PRKAR1B: variants seen among roughly 807,000 people sequenced by gnomAD.
PRKAR1B encodes cAMP-dependent protein kinase type I-beta regulatory subunit.
In PRKAR1B, 22 loss-of-function variants were observed where a neutral mutation model predicts 46.5. That is an observed-to-expected ratio of 0.47 (90% CI 0.34 to 0.68). PRKAR1B has a LOEUF of 0.68. PRKAR1B is among the 30% of genes least tolerant of loss of function. PRKAR1B has a pLI of 0.01. For synonymous variants in PRKAR1B, 259 were observed against 217.7 expected (o/e 1.19, Z -1.67); for missense variants, 445 against 535.6 (o/e 0.83, Z 1.67).
At chr7:711,851 C>T (rs4076710) in intron 1 of PRKAR1B, among the ~76,000 whole-genome samples, 26,948 of 151,388 alleles carry the variant, frequency 0.18, 2,640 homozygotes, top group South Asian at 0.28. Context: ...TGGGGGGGCC[C>T]GGCGCCCTGA....
Position 666,945 on chromosome 7 carries a change from GTGA to G in PRKAR1B, c.440+10281_440+10283del, listed in dbSNP as rs1257682433. ...GATGGTGATGACAATGACCACAACAGTGATGATGATGGCGGTGATGATGATGAT... is the reference window on the plus strand; with the variant it reads ...GATGGTGATGACAATGACCACAACAGTGATGATGGCGGTGATGATGATGAT... On this transcript the variant is annotated intron_variant, in intron 4 of 10. Transcript: ENST00000537384. The surrounding 1 kb of genome is among the most constrained non-coding windows in gnomAD (Gnocchi z 4.9). Among the ~76,000 whole-genome samples, 1 of 152,228 alleles carries G rather than the reference GTGA, an allele frequency of 6.6e-6. No individual in the cohort carries two copies. Among genetic ancestry groups the G allele is most frequent in the Non-Finnish European group, 1.5e-5 (1 of 68,046 alleles).
At position 550,267 on chromosome 7, in the gene PRKAR1B, A is replaced by G. The variant is rs1421774382; in HGVS notation, c.*163T>C. The G allele has an allele frequency of 1.1e-5, 7 of 617,594 alleles. No homozygotes were observed. In the Admixed American group the frequency reaches 2.0e-4, roughly 18 times the overall value. The allele number at this position is 617,594 out of a possible 1,614,324, so 38.3% of individuals were successfully genotyped here. A position where few individuals can be genotyped will look rare whatever the true frequency, so the allele number is the denominator to read the frequency against. On this transcript the variant is annotated 3_prime_UTR_variant, in exon 11 of 11. Coordinates refer to ENST00000537384, the MANE Select transcript of PRKAR1B (RefSeq NM_001164760.2). ...TGATTTGGAAATGCACAAGGTGATCATTTATTCCAAAAAGTGAGTCCGGGG... is the reference window on the plus strand; with the variant it reads ...TGATTTGGAAATGCACAAGGTGATCGTTTATTCCAAAAAGTGAGTCCGGGG...
chr7:671,266 G>A (rs1391151032), intron 4 of PRKAR1B, among the ~76,000 whole-genome samples: 3 of 152,066 alleles, frequency 2.0e-5, no homozygotes, highest in African/African-American at 7.2e-5. Flanking sequence ...CTTTTGATAA[G>A]CTCTAAGCTC....
At chr7:707,730 G>A (rs533514468) in intron 2 of PRKAR1B, among the ~76,000 whole-genome samples, 2 of 152,292 alleles carry the variant, frequency 1.3e-5, no homozygotes, top group Admixed American at 6.5e-5. Flanking sequence ...AACACCATGT[G>A]AAGATGAAGG....
upstream of PRKAR1B, among the ~76,000 whole-genome samples, chr7:728,919 GT>G (rs1452793243): frequency 2.0e-5 from 3 of 151,814 alleles, no homozygotes; most frequent in Admixed American, 6.6e-5. Flanking sequence ...TGGAATAGCC[GT>G]TTCCCAGACG....
At chr7:677,581 C>T (rs1421503101) in intron 3 of PRKAR1B, among the ~76,000 whole-genome samples, 1 of 152,160 alleles carries the variant, frequency 6.6e-6, no homozygotes, top group Non-Finnish European at 1.5e-5. Flanking sequence ...TATGCACCAC[C>T]ACACTTGGCT....
rs143388363 is a variant in PRKAR1B, at chr7:724,152, C to G, written c.-23+3058G>C. Among the ~76,000 whole-genome samples the G allele has an allele frequency of 1.3e-3, 194 of 152,268 alleles. 1 individual carries two copies. The highest frequency in any genetic ancestry group is 4.5e-3 in the African/African-American group (185 of 41,536). ...TGGGGAGACGCCATTCAGCCCGTAACACTCCCATGAGGCCTTTGCTCATGC... is the reference window on the plus strand; with the variant it reads ...TGGGGAGACGCCATTCAGCCCGTAAGACTCCCATGAGGCCTTTGCTCATGC... On this transcript the variant is annotated intron_variant, in intron 1 of 10. Coordinates refer to ENST00000537384, the MANE Select transcript of PRKAR1B (RefSeq NM_001164760.2).
rs1360078468 is a variant in PRKAR1B at position 559,531 on chromosome 7, C to T, written c.892-8061G>A. Among the ~76,000 whole-genome samples the T allele has an allele frequency of 3.3e-5, 5 of 152,126 alleles. No homozygotes were observed. The East Asian group carries it at 5.8e-4, about 18-fold the overall frequency. On this transcript the variant is annotated intron_variant, in intron 9 of 10. Coordinates refer to ENST00000537384, the MANE Select transcript of PRKAR1B (RefSeq NM_001164760.2). ...ATACGAGGGGACCCCGATCTGGGGCCGACGCCAGGGAAGCACCGGAGCCCA... is the reference window on the plus strand; with the variant it reads ...ATACGAGGGGACCCCGATCTGGGGCTGACGCCAGGGAAGCACCGGAGCCCA...
At chr7:550,812 C>G (rs1784136666) in intron 10 of PRKAR1B, among the ~76,000 whole-genome samples, 1 of 152,212 alleles carries the variant, frequency 6.6e-6, no homozygotes. Flanking sequence ...ATCTGAAATT[C>G]ACGTTCAGCT....
At chr7:590,919 G>A (rs936003193) in intron 7 of PRKAR1B, among the ~76,000 whole-genome samples, 2 of 152,200 alleles carry the variant, frequency 1.3e-5, no homozygotes, top group South Asian at 4.1e-4. Flanking sequence ...GTCTGCCCCC[G>A]AGAGCGGAGA....
At position 593,742 on chromosome 7, in the gene PRKAR1B, G is replaced by C. The variant is rs1781116926; in HGVS notation, c.708+2404C>G. Among the ~76,000 whole-genome samples the C allele has an allele frequency of 6.6e-6, 1 of 152,172 alleles. No individual in the cohort carries two copies. The highest frequency in any genetic ancestry group is 6.5e-5 in the Admixed American group (1 of 15,282). ...AGTGAGCGGGTTCAGACAGAAGAGA[G>C]GGAGCGTGCAACTCCTCCCAGGAGG... On this transcript the variant is annotated intron_variant, in intron 7 of 10. Coordinates refer to ENST00000537384, the MANE Select transcript of PRKAR1B (RefSeq NM_001164760.2). This position sits in a 1 kb window ranked among gnomAD's most constrained non-coding sequence, Gnocchi z 6.1.
rs1420263481 is a variant in PRKAR1B, at chr7:637,400, G to A, written c.441-29948C>T. Among the ~76,000 whole-genome samples, 7 of 150,854 alleles carry A rather than the reference G, an allele frequency of 4.6e-5. No homozygotes were observed. In the East Asian group the frequency reaches 1.4e-3, roughly 30 times the overall value. ...CCACTGCACTCCAGCCTGGGTGAAGGAGTAAGACTCTGTCTCAAAAAAACA... is the reference window on the plus strand; with the variant it reads ...CCACTGCACTCCAGCCTGGGTGAAGAAGTAAGACTCTGTCTCAAAAAAACA... On this transcript the variant is annotated intron_variant, in intron 4 of 10. Transcript: ENST00000537384.
intron 7 of PRKAR1B, among the ~76,000 whole-genome samples, chr7:594,778 A>G (rs1232946662): frequency 6.6e-6 from 1 of 151,616 alleles, no homozygotes; most frequent in Non-Finnish European, 1.5e-5. Flanking sequence ...CCAGACCATG[A>G]GAGGACCCCA....
intron 9 of PRKAR1B, among the ~76,000 whole-genome samples, chr7:567,864 T>C (rs1298339568): frequency 2.6e-5 from 4 of 151,830 alleles, no homozygotes; most frequent in Non-Finnish European, 5.9e-5. Flanking sequence ...TTCTACTTTC[T>C]AGAAGGGCTG....
At chr7:647,346 T>C (rs1784666476) in intron 4 of PRKAR1B, among the ~76,000 whole-genome samples, 1 of 152,138 alleles carries the variant, frequency 6.6e-6, no homozygotes, top group Non-Finnish European at 1.5e-5. Context: ...CACCTGTGGC[T>C]GGGACAACTC....
intron 4 of PRKAR1B, among the ~76,000 whole-genome samples, chr7:643,579 G>A (rs1474506388): frequency 6.6e-6 from 1 of 151,282 alleles, no homozygotes; most frequent in Non-Finnish European, 1.5e-5. Context: ...AAAATTAGCT[G>A]GGCATGGTGG....
At chr7:619,261 G>T (rs935661043) in intron 4 of PRKAR1B, among the ~76,000 whole-genome samples, 4 of 152,174 alleles carry the variant, frequency 2.6e-5, no homozygotes, top group African/African-American at 9.7e-5. Flanking sequence ...GCCCTCAGGG[G>T]GAACCAGCCC....
chr7:693,661 C>G (rs112624900), intron 2 of PRKAR1B, among the ~76,000 whole-genome samples: 1 of 152,050 alleles, frequency 6.6e-6, no homozygotes, highest in Admixed American at 6.6e-5. Flanking sequence ...GACGGACGTG[C>G]GAGGTTTTCA....
intron 9 of PRKAR1B, among the ~76,000 whole-genome samples, chr7:568,507 T>A (rs1290531372): frequency 2.0e-5 from 3 of 152,198 alleles, no homozygotes; most frequent in African/African-American, 7.2e-5. Context: ...CATGCGGACT[T>A]CCCAGAAGGA....
Sources: allele counts gnomAD v4.1 joint callset (sites outside exome capture counted in the v4.1 genomes callset), GRCh38; gene constraint gnomAD v4.1.1; non-coding constraint Gnocchi (gnomAD v3.1); transcripts MANE v1.5; gene names NCBI Gene and HGNC (gene_info 2026-07-23, HGNC 2026-07-21).